Variants in KIFC1 observed in about 807,000 individuals in gnomAD.
The protein encoded by KIFC1 is kinesin-like protein KIFC1.
Under a neutral mutation model 66.6 loss-of-function variants are expected in KIFC1, and 37 were observed. The observed-to-expected ratio is 0.56, with a 90% CI of 0.43 to 0.73. The LOEUF is 0.73. Among genes scored for constraint, KIFC1 ranks in the 30% least tolerant of loss-of-function variants. The pLI is 0.00. For missense variants in KIFC1, 721 were observed against 859.8 expected, an observed-to-expected ratio of 0.84 and a Z score of 2.02; for synonymous variants, 325 against 343.5, an observed-to-expected ratio of 0.95 and a Z score of 0.60.
intron 3 of KIFC1, chr6:33,399,952 T>G: frequency 1.8e-6 from 1 of 562,898 alleles, no homozygotes; most frequent in Non-Finnish European, 3.2e-6. Flanking sequence ...AAACTTAACA[T>G]TTTTTTTCCC....
chr6:33,399,086 C>G (rs532152748), intron 3 of KIFC1, among the ~76,000 whole-genome samples: 1 of 152,142 alleles, frequency 6.6e-6, no homozygotes, highest in South Asian at 2.1e-4. Flanking sequence ...AACCAACCAT[C>G]GGTTGAAAAT....
At position 33,409,699 on chromosome 6, in the gene KIFC1, C is replaced by T; in HGVS notation, c.*9C>T. On this transcript the variant is annotated 3_prime_UTR_variant, in exon 11 of 11. Transcript: ENST00000428849. ...AGGCCAACAGGAAGTGAAGACGGAT[C>T]CAGATCTGTGTGTGTGTGTGTGTGT... is the stretch of plus-strand genomic sequence containing the variant. 6.8e-7 allele frequency: 1 copy of T among 1,476,230 alleles called. No individual in the cohort carries two copies. The highest frequency in any genetic ancestry group is 1.1e-5 in the South Asian group (1 of 87,722). 91.4% of individuals were successfully genotyped at this position (1,476,230 alleles called of 1,614,324 possible).
At position 33,406,084 on chromosome 6, in the gene KIFC1, T is replaced by C. The variant is rs1271515192; in HGVS notation, c.1537-112T>C. Reference sequence around the variant, plus strand: ...ATACTGTGCATCTTATTTTGTTTCTTGACAGGCTAGAAAGCTTCAAGAGGG... The same window carrying C: ...ATACTGTGCATCTTATTTTGTTTCTCGACAGGCTAGAAAGCTTCAAGAGGG... On this transcript the variant is annotated intron_variant, in intron 7 of 10. Transcript: ENST00000428849. The surrounding 1 kb of genome is among the most constrained non-coding windows in gnomAD (Gnocchi z 4.5). The C allele has an allele frequency of 3.9e-5, 39 of 1,002,360 alleles. No homozygotes were observed. The highest frequency in any genetic ancestry group is 5.7e-5 in the Non-Finnish European group (39 of 678,966). 62.1% of individuals were successfully genotyped at this position (1,002,360 alleles called of 1,614,324 possible). A position where few individuals can be genotyped will look rare whatever the true frequency, so the allele number is the denominator to read the frequency against.
rs561934999 is a variant in KIFC1 at position 33,403,070 on chromosome 6, A to G, written c.251-244A>G. Among the ~76,000 whole-genome samples the G allele has an allele frequency of 5.9e-5, 9 of 152,230 alleles. No homozygotes were observed. The South Asian group carries it at 1.9e-3, about 32-fold the overall frequency. ...ACCTATTTATGTAAGGGACTTGGGC[A>G]TCCTTGGATTTTGGTATTCTTGGGG... is the stretch of plus-strand genomic sequence containing the variant. On this transcript the variant is annotated intron_variant, in intron 3 of 10. Coordinates refer to ENST00000428849, the MANE Select transcript of KIFC1 (RefSeq NM_002263.4). This position sits in a 1 kb window ranked among gnomAD's most constrained non-coding sequence, Gnocchi z 4.6.
chr6:33,391,601 C>G (rs2151078107), upstream of KIFC1: 1 of 373,946 alleles, frequency 2.7e-6, no homozygotes, highest in Non-Finnish European at 5.0e-6. Context: ...AAGTCCAGCA[C>G]TATTGCCGCT....
rs1775332299 is a variant in KIFC1, at chr6:33,400,757, C to G, written c.250+2370C>G. ...CGCCTCCCGGGTTCCCGCCATTTTC[C>G]TGCCTCAGCCTTCCGCGTAGCTGGG... On this transcript the variant is annotated intron_variant, in intron 3 of 10. Transcript: ENST00000428849. This position sits in a 1 kb window ranked among gnomAD's most constrained non-coding sequence, Gnocchi z 4.3. Among the ~76,000 whole-genome samples, 4 of 152,174 alleles carry G rather than the reference C, an allele frequency of 2.6e-5. No homozygotes were observed. The highest frequency in any genetic ancestry group is 2.6e-4 in the Admixed American group (4 of 15,280).
Position 33,403,482 on chromosome 6 carries a change from T to C in KIFC1, c.305-3T>C. The C allele has an allele frequency of 6.2e-7, 1 of 1,614,098 alleles. No homozygotes were observed. The highest frequency in any genetic ancestry group is 1.1e-5 in the South Asian group (1 of 91,084). ...TTCCTAAGTCACCTCCTCAATTCTGTAGGGTTGAAGAACCAGAAGCCAGTT... is the reference window on the plus strand; with the variant it reads ...TTCCTAAGTCACCTCCTCAATTCTGCAGGGTTGAAGAACCAGAAGCCAGTT... On this transcript the variant is annotated splice_region_variant and splice_polypyrimidine_tract_variant and intron_variant, in intron 4 of 10. Coordinates refer to ENST00000428849, the MANE Select transcript of KIFC1 (RefSeq NM_002263.4). This position sits in a 1 kb window ranked among gnomAD's most constrained non-coding sequence, Gnocchi z 4.6.
intron 10 of KIFC1, among the ~76,000 whole-genome samples, chr6:33,409,160 C>T (rs1314250275): frequency 6.6e-6 from 1 of 152,068 alleles, no homozygotes; most frequent in Non-Finnish European, 1.5e-5. Flanking sequence ...AGCAAGACTC[C>T]GTCTCAACAA....
At chr6:33,398,957 C>G (rs1775234710) in intron 3 of KIFC1, among the ~76,000 whole-genome samples, 1 of 152,222 alleles carries the variant, frequency 6.6e-6, no homozygotes, top group South Asian at 2.1e-4. Flanking sequence ...ACCTTTTTTA[C>G]ATAAATGGTG....
chr6:33,409,732 T>TCC lies in KIFC1; in HGVS notation c.*42_*43insCC. The TCC allele has an allele frequency of 2.0e-6, 3 of 1,486,702 alleles. No homozygotes were observed. The highest frequency in any genetic ancestry group is 2.8e-6 in the Non-Finnish European group (3 of 1,078,104). 92.1% of individuals were successfully genotyped at this position (1,486,702 alleles called of 1,614,324 possible). ...GTGTGTGTGTGTGTGTGTGTGTGTG[T>TCC]GTGTGTGTGTGTGTGTGTGTGTCCC... is the stretch of plus-strand genomic sequence containing the variant. On this transcript the variant is annotated 3_prime_UTR_variant, in exon 11 of 11. Transcript: ENST00000428849.
rs954169870 is a variant in KIFC1, at chr6:33,409,857, G to GT, written c.*177dup. ...GGGCTATCAAATAAAGAATAGTTTG[G>GT]TTTTTTTTTTAAATAAAGGTTTTAT... On this transcript the variant is annotated 3_prime_UTR_variant, in exon 11 of 11. Transcript: ENST00000428849. 9.7e-3 allele frequency: 5,636 copies of GT among 578,512 alleles called. No homozygotes were observed. The highest frequency in any genetic ancestry group is 0.016 in the South Asian group (696 of 42,184). The allele number at this position is 578,512 out of a possible 1,614,324, so 35.8% of individuals were successfully genotyped here. A position where few individuals can be genotyped will look rare whatever the true frequency, so the allele number is the denominator to read the frequency against.
chr6:33,407,086 T>A, intron 10 of KIFC1: 1 of 1,388,684 alleles, frequency 7.2e-7, no homozygotes. Context: ...CTGAGAAAGC[T>A]GATTAAAAAA....
chr6:33,403,821 C>G lies in KIFC1; in HGVS notation c.448C>G (p.Leu150Val), dbSNP rs778542683. The G allele has an allele frequency of 1.9e-5, 31 of 1,614,120 alleles. No individual in the cohort carries two copies. The highest frequency in any genetic ancestry group is 2.7e-5 in the African/African-American group (2 of 74,926). The change falls in exon 6 of 11, where the codon CTA becomes GTA. Residue 150 changes from leucine to valine, a missense_variant. Transcript: ENST00000428849. This position sits in a 1 kb window ranked among gnomAD's most constrained non-coding sequence, Gnocchi z 4.6. ...KGQLCDLNAE[L>V]KRCRERTQTL... The stretch of plus-strand genomic sequence containing the variant: ...TCAGTTATGTGACCTAAATGCAGAA[C>G]TAAAACGGTGCCGTGAGAGGACTCA...
At chr6:33,399,027 T>TGGA (rs1026967980) in intron 3 of KIFC1, among the ~76,000 whole-genome samples, 9 of 152,368 alleles carry the variant, frequency 5.9e-5, no homozygotes, top group Middle Eastern at 3.4e-3. Context: ...TTTTGGCATA[T>TGGA]GGAGTACAGT....
At chr6:33,393,434 C>CTTTTTTTT (rs71536188) in intron 1 of KIFC1, among the ~76,000 whole-genome samples, 3 of 82,514 alleles carry the variant, frequency 3.6e-5, no homozygotes, top group Admixed American at 1.5e-4. Context: ...GCACCATTGC[C>CTTTTTTTT]TTTTTTTTTT....
At chr6:33,391,798 G>A (rs985228738), upstream of KIFC1, 13 of 700,850 alleles carry the variant, frequency 1.9e-5, no homozygotes, top group Non-Finnish European at 3.0e-5. Flanking sequence ...CGTGCAGAGC[G>A]CGGTGAGAGT....
chr6:33,398,666 A>G (rs1775220110), intron 3 of KIFC1, among the ~76,000 whole-genome samples: 1 of 152,000 alleles, frequency 6.6e-6, no homozygotes, highest in South Asian at 2.1e-4. Flanking sequence ...GGGTTTCGCC[A>G]TGTTGGCCAG....
chr6:33,405,475 C>T lies in KIFC1; in HGVS notation c.1380C>T (p.Ser460=). The change falls in exon 7 of 11, where the codon AGC becomes AGT. Residue 460 remains serine, a synonymous_variant. Coordinates refer to ENST00000428849, the MANE Select transcript of KIFC1 (RefSeq NM_002263.4). The surrounding 1 kb of genome is among the most constrained non-coding windows in gnomAD (Gnocchi z 5.4). Reference sequence around the variant, plus strand: ...GCTGGACCTACAGCTTTGTAGCAAGCTACGTAGAGATCTACAATGAGACTG... The same window carrying T: ...GCTGGACCTACAGCTTTGTAGCAAGTTACGTAGAGATCTACAATGAGACTG... ...GQGWTYSFVA[S]YVEIYNETVR... is the part of the protein sequence containing the mutation. 1 of 1,611,818 alleles carries T rather than the reference C, an allele frequency of 6.2e-7. No individual in the cohort carries two copies. Among genetic ancestry groups the T allele is most frequent in the Non-Finnish European group, 8.5e-7 (1 of 1,178,776 alleles).
rs913831609 is a variant in KIFC1, at chr6:33,401,788, G to A, written c.251-1526G>A. Among the ~76,000 whole-genome samples, 36 of 151,226 alleles carry A rather than the reference G, an allele frequency of 2.4e-4. No individual in the cohort carries two copies. The highest frequency in any genetic ancestry group is 8.7e-4 in the African/African-American group (36 of 41,148). On this transcript the variant is annotated intron_variant, in intron 3 of 10. Transcript: ENST00000428849. This position sits in a 1 kb window ranked among gnomAD's most constrained non-coding sequence, Gnocchi z 4.5. ...ATGATCTCGGCTCACTGCAAGCTCC[G>A]TCTCCTGGGTTCACACCATTCTCCT...
Sources: gnomAD v4.1 joint callset for allele counts (sites outside exome capture counted in the v4.1 genomes callset) on GRCh38, gnomAD v4.1.1 for gene constraint, Gnocchi (gnomAD v3.1) non-coding constraint, MANE v1.5 for transcripts, NCBI Gene and HGNC (gene_info 2026-07-23, HGNC 2026-07-21) for gene names.